PABPC4L: variants seen among roughly 807,000 people sequenced by gnomAD.
PABPC4L encodes polyadenylate-binding protein 4-like.
For synonymous variants in PABPC4L, 169 were observed against 164.1 expected (o/e 1.03, Z -0.23); for missense variants, 452 against 451.4 (o/e 1.00, Z -0.01).
At chr4:134,150,229 G>T in the PABPC4L span, among the ~76,000 whole-genome samples, 11 of 151,256 alleles carry the variant, frequency 7.3e-5, no homozygotes, top group African/African-American at 2.4e-4. Context: ...GATTACAGGC[G>T]CCCACCACCA....
chr4:134,071,248 T>C, the PABPC4L span, among the ~76,000 whole-genome samples: 2 of 152,032 alleles, frequency 1.3e-5, no homozygotes, highest in Non-Finnish European at 2.9e-5. Context: ...AGCTTCCTCC[T>C]CATTCTGCCC....
At chr4:134,050,706 CAAA>C in the PABPC4L span, among the ~76,000 whole-genome samples, 3 of 82,984 alleles carry the variant, frequency 3.6e-5, no homozygotes, top group South Asian at 3.4e-4. Flanking sequence ...CACCGTCTCC[CAAA>C]AAAAAAAAAA....
the PABPC4L span, among the ~76,000 whole-genome samples, chr4:134,050,798 A>G: frequency 6.7e-5 from 10 of 150,288 alleles, no homozygotes; most frequent in Non-Finnish European, 1.3e-4. Flanking sequence ...CAGATGTGAG[A>G]GTCTTTGAAA....
the PABPC4L span, among the ~76,000 whole-genome samples, chr4:134,188,808 C>T: frequency 3.8e-3 from 575 of 152,118 alleles, 2 homozygotes; most frequent in African/African-American, 0.013. Flanking sequence ...TTATCCTGCT[C>T]AGTGCTCTCG....
chr4:133,950,731 A>G, the PABPC4L span, among the ~76,000 whole-genome samples: 1 of 152,188 alleles, frequency 6.6e-6, no homozygotes, highest in East Asian at 1.9e-4. Flanking sequence ...TTTTTCCTCC[A>G]GGGAAGCTTG....
chr4:134,036,137 T>G, the PABPC4L span, among the ~76,000 whole-genome samples: 1 of 152,034 alleles, frequency 6.6e-6, no homozygotes, highest in Admixed American at 6.6e-5. Context: ...TTGAATACTA[T>G]GAATAAGCTG....
the PABPC4L span, among the ~76,000 whole-genome samples, chr4:133,969,273 C>T: frequency 6.6e-6 from 1 of 152,136 alleles, no homozygotes; most frequent in Non-Finnish European, 1.5e-5. Context: ...TTTTATGAAA[C>T]TTTTCTGTGA....
chr4:134,039,766 T>C, the PABPC4L span, among the ~76,000 whole-genome samples: 3 of 152,102 alleles, frequency 2.0e-5, no homozygotes, highest in Non-Finnish European at 4.4e-5. Flanking sequence ...GGGTCTTGAC[T>C]CTTTATCTAA....
the PABPC4L span, among the ~76,000 whole-genome samples, chr4:133,959,271 T>C: frequency 6.6e-6 from 1 of 151,914 alleles, no homozygotes; most frequent in African/African-American, 2.4e-5. Context: ...GGTGAAAAAA[T>C]ACATCATTAG....
At chr4:134,036,520 T>C in the PABPC4L span, among the ~76,000 whole-genome samples, 2 of 152,116 alleles carry the variant, frequency 1.3e-5, no homozygotes. Context: ...AGAATCTCTT[T>C]TCTCTATGTG....
At chr4:134,089,851 G>T in the PABPC4L span, among the ~76,000 whole-genome samples, 2 of 151,984 alleles carry the variant, frequency 1.3e-5, no homozygotes, top group Non-Finnish European at 2.9e-5. Context: ...TATAACCTGG[G>T]ATAATTGCAG....
At chr4:134,089,322 G>A in the PABPC4L span, among the ~76,000 whole-genome samples, 2 of 151,768 alleles carry the variant, frequency 1.3e-5, no homozygotes, top group Non-Finnish European at 1.5e-5. Flanking sequence ...CTACGCTCAC[G>A]CACCCAGCTC....
the PABPC4L span, among the ~76,000 whole-genome samples, chr4:133,994,675 T>C: frequency 3.9e-5 from 6 of 152,178 alleles, no homozygotes; most frequent in African/African-American, 1.2e-4. Context: ...TGTGATTAAT[T>C]GGTTCCAGTA....
the PABPC4L span, among the ~76,000 whole-genome samples, chr4:134,159,028 TA>T: frequency 6.6e-6 from 1 of 151,984 alleles, no homozygotes; most frequent in African/African-American, 2.4e-5. Context: ...AAATAGAACA[TA>T]AAAGATAAAA....
the PABPC4L span, among the ~76,000 whole-genome samples, chr4:134,003,422 T>A: frequency 6.6e-6 from 1 of 151,936 alleles, no homozygotes; most frequent in African/African-American, 2.4e-5. Context: ...TATCTGAATA[T>A]AAGCTCTCCA....
the PABPC4L span, among the ~76,000 whole-genome samples, chr4:133,960,825 G>A: frequency 6.6e-6 from 1 of 152,040 alleles, no homozygotes; most frequent in Non-Finnish European, 1.5e-5. Flanking sequence ...GCATGACTCA[G>A]CAGAGGCAGC....
chr4:134,156,874 A>C, the PABPC4L span, among the ~76,000 whole-genome samples: 1 of 152,060 alleles, frequency 6.6e-6, no homozygotes, highest in African/African-American at 2.4e-5. Flanking sequence ...CTGTTTATTT[A>C]AACAGCTCTG....
chr4:134,004,461 T>A, the PABPC4L span, among the ~76,000 whole-genome samples: 6 of 151,690 alleles, frequency 4.0e-5, no homozygotes, highest in South Asian at 1.2e-3. Flanking sequence ...ACATTCATAA[T>A]AATAGCTGAC....
chr4:133,975,062 T>A, the PABPC4L span, among the ~76,000 whole-genome samples: 1 of 152,148 alleles, frequency 6.6e-6, no homozygotes, highest in Non-Finnish European at 1.5e-5. Context: ...CATAGCATCA[T>A]TATTCACAAT....
Sources: gnomAD v4.1 joint callset for allele counts (sites outside exome capture counted in the v4.1 genomes callset) on GRCh38, gnomAD v4.1.1 for gene constraint, MANE v1.5 for transcripts, NCBI Gene and HGNC (gene_info 2026-07-23, HGNC 2026-07-21) for gene names.